Variants in STARD13 observed in about 807,000 individuals in gnomAD.
STARD13 encodes the protein StAR related lipid transfer domain containing 13.
A neutral mutation model predicts 106.4 loss-of-function variants in STARD13; 62 were observed. The observed-to-expected ratio is 0.58, with a 90% CI of 0.48 to 0.72. The LOEUF (loss-of-function observed/expected upper bound fraction) is 0.72. Among genes scored for constraint, STARD13 ranks in the 30% least tolerant of loss-of-function variants. The pLI is 0.00. For synonymous variants in STARD13, 565 were observed against 553.0 expected (o/e 1.02, Z -0.31); for missense variants, 1,387 against 1,424.0 (o/e 0.97, Z 0.42).
At chr13:33,142,224 A>G in intron 4 of STARD13, 86 bp downstream of exon 4, 1 of 1,002,436 alleles carries the variant, frequency 1.0e-6, no homozygotes, top group Middle Eastern at 2.1e-4. Context: ...TGTAGACACA[A>G]GGGTCTCACT....
intron 8 of STARD13, chr13:33,117,756 C>A: frequency 3.2e-6 from 3 of 937,920 alleles, no homozygotes; most frequent in Non-Finnish European, 3.8e-6. Context: ...AAAACAACTT[C>A]TATTGTGTCC....
the STARD13 span, among the ~76,000 whole-genome samples, chr13:33,590,224 A>C: frequency 1.3e-5 from 2 of 152,126 alleles, no homozygotes; most frequent in African/African-American, 4.8e-5. Flanking sequence ...GATGTGGAGA[A>C]ATAGGAACAC....
intron 1 of STARD13, among the ~76,000 whole-genome samples, chr13:33,168,201 A>G (rs1275986538): frequency 6.6e-6 from 1 of 152,186 alleles, no homozygotes; most frequent in Non-Finnish European, 1.5e-5. Context: ...TTATAACAAA[A>G]TGTTCATTAA....
chr13:33,199,611 T>A (rs1354947814), intron 1 of STARD13, among the ~76,000 whole-genome samples: 1 of 152,238 alleles, frequency 6.6e-6, no homozygotes, highest in Non-Finnish European at 1.5e-5. Context: ...AGAGGTCACT[T>A]ATTTTGGAGT....
At chr13:33,635,536 T>C in the STARD13 span, among the ~76,000 whole-genome samples, 1 of 151,742 alleles carries the variant, frequency 6.6e-6, no homozygotes, top group African/African-American at 2.4e-5. Flanking sequence ...GGTGGGCGCC[T>C]GTAGTCCCAG....
the STARD13 span, among the ~76,000 whole-genome samples, chr13:33,669,530 C>CTTTTTTTTTTTTTTTT: frequency 9.7e-6 from 1 of 103,156 alleles, no homozygotes; most frequent in Non-Finnish European, 1.9e-5. Context: ...AGAGGATGTT[C>CTTTTTTTTTTTTTTTT]TTTTTTTTTT....
the STARD13 span, among the ~76,000 whole-genome samples, chr13:33,366,628 G>A: frequency 6.6e-6 from 1 of 152,090 alleles, no homozygotes; most frequent in Non-Finnish European, 1.5e-5. This position sits in a 1 kb window ranked among gnomAD's most constrained non-coding sequence, Gnocchi z 4.2. Flanking sequence ...CCTGCCATGT[G>A]ATTCTGGGAA....
Position 33,238,500 on chromosome 13 carries a change from T to TTA in STARD13, c.169+46968_169+46969dup, listed in dbSNP as rs202119049. 8.9e-4 allele frequency among the ~76,000 whole-genome samples: 136 copies of TTA among 152,282 alleles called. 1 individual carries two copies. The East Asian group carries it at 0.025, about 28-fold the overall frequency. ...TAGACTTAAAAGTAGATCATCTATTTTATATGTATGTTTAGTAAGAAACAG... is the reference window on the plus strand; with the variant it reads ...TAGACTTAAAAGTAGATCATCTATTTTATATATGTATGTTTAGTAAGAAACAG... On this transcript the variant is annotated intron_variant, in intron 1 of 13. Coordinates refer to ENST00000336934, the MANE Select transcript of STARD13 (RefSeq NM_178006.4).
At chr13:33,136,401 T>C (rs1879059733) in intron 4 of STARD13, among the ~76,000 whole-genome samples, 1 of 152,204 alleles carries the variant, frequency 6.6e-6, no homozygotes, top group Admixed American at 6.5e-5. Context: ...AGCTTCCTGG[T>C]GAAACCCCAC....
the STARD13 span, among the ~76,000 whole-genome samples, chr13:33,587,528 A>T: frequency 3.0e-4 from 46 of 152,310 alleles, no homozygotes; most frequent in East Asian, 8.3e-3. Flanking sequence ...CTGGCCCGTA[A>T]TCATTCCTTC....
chr13:33,334,892 C>T (rs528166856), intron 1 of STARD13: 1 of 151,738 alleles, frequency 6.6e-6, no homozygotes, highest in Non-Finnish European at 1.5e-5. Context: ...ACACACCACA[C>T]ACTCACACAT....
chr13:33,656,119 T>C, the STARD13 span, among the ~76,000 whole-genome samples: 2 of 152,358 alleles, frequency 1.3e-5, no homozygotes, highest in South Asian at 4.1e-4. Context: ...CTATGTATTC[T>C]AATGATTTTT....
At chr13:33,466,116 C>T in the STARD13 span, among the ~76,000 whole-genome samples, 40 of 152,252 alleles carry the variant, frequency 2.6e-4, no homozygotes, top group South Asian at 1.7e-3. Flanking sequence ...ACCACAAGCA[C>T]TTAGCATTGT....
At chr13:33,374,675 T>G in the STARD13 span, among the ~76,000 whole-genome samples, 11 of 152,118 alleles carry the variant, frequency 7.2e-5, no homozygotes, top group Non-Finnish European at 1.3e-4. Flanking sequence ...CTTTGGAAGA[T>G]TAATGCAATT....
At chr13:33,301,822 C>A (rs962407486) in intron 1 of STARD13, among the ~76,000 whole-genome samples, 5 of 152,160 alleles carry the variant, frequency 3.3e-5, no homozygotes, top group African/African-American at 4.8e-5. Context: ...CCCGCCTCAG[C>A]CTCCCAATGT....
the STARD13 span, among the ~76,000 whole-genome samples, chr13:33,361,905 C>T: frequency 6.6e-6 from 1 of 152,164 alleles, no homozygotes; most frequent in Non-Finnish European, 1.5e-5. Flanking sequence ...ATCAAAGGGT[C>T]AACTGCATTT....
At chr13:33,473,502 C>A in the STARD13 span, among the ~76,000 whole-genome samples, 1 of 152,108 alleles carries the variant, frequency 6.6e-6, no homozygotes. Context: ...GTATTGTTGC[C>A]GGACTTCAGC....
intron 1 of STARD13, among the ~76,000 whole-genome samples, chr13:33,255,103 C>T (rs565540304): frequency 4.2e-5 from 6 of 142,916 alleles, no homozygotes; most frequent in East Asian, 1.9e-4. Flanking sequence ...TGTGCTCCCC[C>T]CCCCCTCAGA....
intron 3 of STARD13, among the ~76,000 whole-genome samples, chr13:33,151,590 G>A (rs1197869838): frequency 2.0e-5 from 3 of 152,180 alleles, no homozygotes; most frequent in African/African-American, 7.2e-5. Context: ...AGATTTGGAG[G>A]GGACAGACAT....
Sources: allele counts gnomAD v4.1 joint callset (sites outside exome capture counted in the v4.1 genomes callset), GRCh38; gene constraint gnomAD v4.1.1; non-coding constraint Gnocchi (gnomAD v3.1); transcripts MANE v1.5; gene names NCBI Gene and HGNC (gene_info 2026-07-23, HGNC 2026-07-21).